The following IMMP2L variants were observed in gnomAD, a reference collection of about 807,000 sequenced individuals.
IMMP2L encodes mitochondrial inner membrane protease subunit 2.
Under a neutral mutation model 19.3 loss-of-function variants are expected in IMMP2L, and 18 were observed. The ratio of observed to expected loss-of-function variants is 0.93; its 90% CI spans 0.64 to 1.38. The LOEUF (loss-of-function observed/expected upper bound fraction) is 1.38, where lower values mean the gene tolerates loss of function less well. Ranked by LOEUF, IMMP2L falls within the 40% of genes most tolerant of loss-of-function variation. The pLI, the probability that IMMP2L is intolerant of heterozygous loss-of-function variation, is 0.00. For missense variants in IMMP2L, 233 were observed against 218.2 expected (o/e 1.07, Z -0.43); for synonymous variants, 76 against 73.0 (o/e 1.04, Z -0.21).
At chr7:111,066,469 TAGG>T (rs1225249333) in intron 3 of IMMP2L, among the ~76,000 whole-genome samples, 3 of 152,044 alleles carry the variant, frequency 2.0e-5, no homozygotes, top group African/African-American at 7.2e-5. Flanking sequence ...GTGAAGGAAA[TAGG>T]AGATGGATGA....
intron 4 of IMMP2L, among the ~76,000 whole-genome samples, chr7:110,910,283 G>A (rs1812915906): frequency 6.6e-6 from 1 of 152,164 alleles, no homozygotes; most frequent in Non-Finnish European, 1.5e-5. Flanking sequence ...ACTAAGGTGA[G>A]AAGTTTCATT....
intron 5 of IMMP2L, among the ~76,000 whole-genome samples, chr7:110,822,773 A>T (rs1803150327): frequency 6.6e-6 from 1 of 152,112 alleles, no homozygotes. Flanking sequence ...CAAGTTTAAA[A>T]TATGTTTACT....
intron 3 of IMMP2L, among the ~76,000 whole-genome samples, chr7:111,101,130 A>G (rs911790931): frequency 4.0e-5 from 6 of 151,420 alleles, no homozygotes; most frequent in South Asian, 2.1e-4. Flanking sequence ...TCACATCATC[A>G]TATTTAGTTT....
chr7:111,081,549 C>T (rs1021454908), intron 3 of IMMP2L, among the ~76,000 whole-genome samples: 1 of 152,182 alleles, frequency 6.6e-6, no homozygotes, highest in African/African-American at 2.4e-5. Flanking sequence ...GGCTATGAGT[C>T]CAAAGATCTC....
chr7:111,243,308 G>A (rs886149266), intron 3 of IMMP2L, among the ~76,000 whole-genome samples: 1 of 151,900 alleles, frequency 6.6e-6, no homozygotes, highest in Non-Finnish European at 1.5e-5. Flanking sequence ...AACTCTTGTA[G>A]AATTAAAAAC....
intron 4 of IMMP2L, among the ~76,000 whole-genome samples, chr7:110,941,388 A>G (rs17158176): frequency 0.017 from 2,602 of 152,204 alleles, 70 homozygotes; most frequent in African/African-American, 0.059. Context: ...ATATCTTCCT[A>G]TTCTTTGGAG....
At chr7:110,865,742 C>T (rs1372366537) in intron 5 of IMMP2L, among the ~76,000 whole-genome samples, 1 of 151,904 alleles carries the variant, frequency 6.6e-6, no homozygotes, top group Non-Finnish European at 1.5e-5. Flanking sequence ...ATTCATTAAT[C>T]AAGCAGCATT....
intron 3 of IMMP2L, among the ~76,000 whole-genome samples, chr7:111,391,066 A>C (rs1766937479): frequency 6.6e-6 from 1 of 152,176 alleles, no homozygotes; most frequent in East Asian, 1.9e-4. Flanking sequence ...CTATAATAGC[A>C]GTCCCAATTA....
intron 5 of IMMP2L, among the ~76,000 whole-genome samples, chr7:110,737,115 C>T (rs1419624210): frequency 6.6e-6 from 1 of 152,168 alleles, no homozygotes; most frequent in Non-Finnish European, 1.5e-5. Flanking sequence ...TAGAGACTCA[C>T]ATCGTGAACT....
At chr7:111,386,143 A>G (rs1441820957) in intron 3 of IMMP2L, among the ~76,000 whole-genome samples, 1 of 151,836 alleles carries the variant, frequency 6.6e-6, no homozygotes, top group African/African-American at 2.4e-5. Context: ...CTCCCAAAGC[A>G]GTGGGATAAT....
At chr7:110,827,306 T>C (rs1803587166) in intron 5 of IMMP2L, among the ~76,000 whole-genome samples, 1 of 152,166 alleles carries the variant, frequency 6.6e-6, no homozygotes, top group South Asian at 2.1e-4. Flanking sequence ...CCCCAAGTTC[T>C]TGTCCTTGAT....
chr7:110,810,883 G>T (rs1801988584), intron 5 of IMMP2L, among the ~76,000 whole-genome samples: 1 of 152,054 alleles, frequency 6.6e-6, no homozygotes, highest in Non-Finnish European at 1.5e-5. Context: ...TGGGTGCCAT[G>T]ACTTGACATC....
intron 3 of IMMP2L, among the ~76,000 whole-genome samples, chr7:111,322,490 A>AT (rs1434718119): frequency 6.6e-6 from 1 of 151,856 alleles, no homozygotes; most frequent in Non-Finnish European, 1.5e-5. Flanking sequence ...AAGGAACAGC[A>AT]TAAGAATTCT....
At chr7:110,705,566 C>A (rs73714321) in intron 5 of IMMP2L, among the ~76,000 whole-genome samples, 6,879 of 152,046 alleles carry the variant, frequency 0.045, 179 homozygotes, top group Middle Eastern at 0.054. Context: ...TCAGTGCAGT[C>A]ATTTTTTTAA....
At chr7:111,319,855 G>C (rs1824495142) in intron 3 of IMMP2L, among the ~76,000 whole-genome samples, 1 of 151,890 alleles carries the variant, frequency 6.6e-6, no homozygotes, top group African/African-American at 2.4e-5. Flanking sequence ...ATAACTAATA[G>C]TTAATATTTC....
intron 5 of IMMP2L, among the ~76,000 whole-genome samples, chr7:110,669,560 A>G (rs1192199925): frequency 6.6e-6 from 1 of 152,160 alleles, no homozygotes; most frequent in Non-Finnish European, 1.5e-5. Context: ...TGACATATAC[A>G]ATCCTCCTGC....
At chr7:111,263,188 ACTAT>A (rs1364888848) in intron 3 of IMMP2L, among the ~76,000 whole-genome samples, 1 of 152,140 alleles carries the variant, frequency 6.6e-6, no homozygotes, top group African/African-American at 2.4e-5. Flanking sequence ...TTCAACAAAT[ACTAT>A]AAGGTGCCAA....
At chr7:110,817,341 A>G (rs977331475) in intron 5 of IMMP2L, among the ~76,000 whole-genome samples, 1 of 152,112 alleles carries the variant, frequency 6.6e-6, no homozygotes, top group African/African-American at 2.4e-5. Flanking sequence ...GAGCCAAATC[A>G]TGAGTGAACT....
intron 5 of IMMP2L, among the ~76,000 whole-genome samples, chr7:110,806,239 A>G (rs1392202875): frequency 6.8e-6 from 1 of 147,468 alleles, no homozygotes; most frequent in African/African-American, 2.5e-5. Context: ...GAGTTGGTTC[A>G]TGTTCTGGCT....
Sources: gnomAD v4.1 joint callset for allele counts (sites outside exome capture counted in the v4.1 genomes callset) on GRCh38, gnomAD v4.1.1 for gene constraint, MANE v1.5 for transcripts, NCBI Gene and HGNC (gene_info 2026-07-23, HGNC 2026-07-21) for gene names.